DNAH11: variants seen among roughly 807,000 people sequenced by gnomAD.
DNAH11 encodes the protein dynein axonemal heavy chain 11, also known as axonemal beta dynein heavy chain 11.
DNAH11 carries 442 observed loss-of-function variants against 526.0 expected under a neutral mutation model. The ratio of observed to expected loss-of-function variants is 0.84; its 90% confidence interval spans 0.78 to 0.91. The LOEUF (loss-of-function observed/expected upper bound fraction) is 0.91, where lower values mean the gene tolerates loss of function less well. Among genes scored for constraint, DNAH11 ranks in the 40% least tolerant of loss-of-function variants. The pLI, the probability that DNAH11 is intolerant of heterozygous loss-of-function variation, is 0.00. For synonymous variants in DNAH11, 2,461 were observed against 1,935.9 expected (o/e 1.27, Z -7.12); for missense variants, 6,989 against 5,448.7 (o/e 1.28, Z -8.90).
intron 73 of DNAH11, among the ~76,000 whole-genome samples, chr7:21,872,400 C>G (rs1002015337): frequency 3.3e-5 from 5 of 152,012 alleles, no homozygotes; most frequent in African/African-American, 1.2e-4. Context: ...TTATTTTGTT[C>G]CATGTTTGCC....
At chr7:21,805,826 C>G (rs761314997) in intron 62 of DNAH11, among the ~76,000 whole-genome samples, 9 of 152,158 alleles carry the variant, frequency 5.9e-5, no homozygotes, top group Non-Finnish European at 1.2e-4. Context: ...TTGAAGATGT[C>G]AGATCTTTTT....
chr7:21,851,424 G>A, intron 66 of DNAH11: 1 of 371,658 alleles, frequency 2.7e-6, no homozygotes, highest in Admixed American at 3.4e-5. Flanking sequence ...CGCACCTTGA[G>A]AGCAGATTAA....
intron 57 of DNAH11, among the ~76,000 whole-genome samples, chr7:21,783,592 G>A (rs58773810): frequency 0.15 from 23,082 of 152,074 alleles, 1,900 homozygotes; most frequent in African/African-American, 0.21. Context: ...CACTCTTCCT[G>A]GCCTTTCAGA....
intron 60 of DNAH11, among the ~76,000 whole-genome samples, chr7:21,789,031 G>A (rs1788315588): frequency 6.6e-6 from 1 of 152,114 alleles, no homozygotes; most frequent in South Asian, 2.1e-4. Context: ...GCATACACCT[G>A]TAATCTCAGC....
intron 50 of DNAH11, 118 bp downstream of exon 50, chr7:21,744,717 G>C: frequency 6.9e-7 from 1 of 1,439,988 alleles, no homozygotes; most frequent in African/African-American, 1.4e-5. Context: ...CAATGGCTGT[G>C]AATCCAGAAT....
chr7:21,773,619 G>A lies in DNAH11; in HGVS notation c.9103-147G>A, dbSNP rs79315282. 1,192 of 619,818 alleles carry A rather than the reference G, an allele frequency of 1.9e-3. 10 individuals carry two copies. The highest frequency in any genetic ancestry group is 0.018 in the African/African-American group (987 of 53,748). The allele number at this position is 619,818 out of a possible 1,614,324, so 38.4% of individuals were successfully genotyped here. ...TAATCTCCCAAATCCTGTGGATAGC[G>A]CTTAAAGATTAAATAAGTTTTCGTA... is the stretch of plus-strand genomic sequence containing the variant. On this transcript the variant is annotated intron_variant, in intron 55 of 81. Coordinates refer to ENST00000409508, the MANE Select transcript of DNAH11 (RefSeq NM_001277115.2).
At chr7:21,888,394 A>G (rs761685521) in intron 76 of DNAH11, among the ~76,000 whole-genome samples, 24 of 152,186 alleles carry the variant, frequency 1.6e-4, no homozygotes, top group Non-Finnish European at 2.6e-4. Context: ...AAAAAAGACA[A>G]TAATCTCATG....
chr7:21,818,646 G>T (rs1472910014), intron 65 of DNAH11, among the ~76,000 whole-genome samples: 2 of 152,100 alleles, frequency 1.3e-5, no homozygotes, highest in African/African-American at 2.4e-5. Flanking sequence ...TCAGTAATTT[G>T]CAGAACACCT....
intron 35 of DNAH11, among the ~76,000 whole-genome samples, chr7:21,692,083 G>C (rs1189580812): frequency 6.6e-6 from 1 of 152,022 alleles, no homozygotes; most frequent in Non-Finnish European, 1.5e-5. Flanking sequence ...ACTTCATTCA[G>C]GTATCATTTT....
Position 21,892,624 on chromosome 7 carries a change from A to T in DNAH11, c.12707A>T (p.Asn4236Ile), listed in dbSNP as rs896685465. 5 of 1,613,018 alleles carry T rather than the reference A, an allele frequency of 3.1e-6. No homozygotes were observed. The highest frequency in any genetic ancestry group is 4.2e-6 in the Non-Finnish European group (5 of 1,179,270). Reference sequence around the variant, plus strand: ...ACTTTGCTGGAGATGCAGCCCAGGAATGCACTCAGTGGTGATGAACTGGGG... The same window carrying T: ...ACTTTGCTGGAGATGCAGCCCAGGATTGCACTCAGTGGTGATGAACTGGGG... ...FRTLLEMQPR[N>I]ALSGDELGQS... is the part of the protein sequence containing the mutation. The change falls in exon 77 of 82, where the codon AAT becomes ATT. Residue 4236 changes from asparagine (N) to isoleucine (I), a missense_variant. Asn to Ile is a moderately radical substitution (Grantham distance 149). Coordinates refer to ENST00000409508, the MANE Select transcript of DNAH11 (RefSeq NM_001277115.2).
At chr7:21,651,262 A>G (rs748151253) in intron 28 of DNAH11, among the ~76,000 whole-genome samples, 1 of 152,218 alleles carries the variant, frequency 6.6e-6, no homozygotes, top group Non-Finnish European at 1.5e-5. Context: ...TTAGGTAGGT[A>G]GGGCAAATAC....
At chr7:21,765,640 ACACACACACACACACACACT>A in intron 55 of DNAH11, 51 bp downstream of exon 55, 1 of 1,326,602 alleles carries the variant, frequency 7.5e-7, no homozygotes, top group Non-Finnish European at 1.0e-6. Context: ...ACACACACAC[ACACACACACACACACACACT>A]CTGAAAATCC....
intron 18 of DNAH11, among the ~76,000 whole-genome samples, chr7:21,603,353 G>A (rs2204315): frequency 0.61 from 92,030 of 152,038 alleles, 28,181 homozygotes; most frequent in African/African-American, 0.64. Flanking sequence ...GCTATTGTCA[G>A]TAGTGCTGCT....
intron 28 of DNAH11, among the ~76,000 whole-genome samples, chr7:21,649,973 A>G (rs578098551): frequency 3.3e-5 from 5 of 152,160 alleles, no homozygotes; most frequent in East Asian, 3.9e-4. Context: ...CGACTATTCT[A>G]TTCCTTAATC....
chr7:21,820,955 G>C (rs1478271727), intron 65 of DNAH11, among the ~76,000 whole-genome samples: 1 of 152,182 alleles, frequency 6.6e-6, no homozygotes, highest in Non-Finnish European at 1.5e-5. Context: ...TCAGAGTCTA[G>C]TTAGTAAATA....
intron 25 of DNAH11, among the ~76,000 whole-genome samples, chr7:21,621,839 A>AT (rs2128454918): frequency 6.6e-6 from 1 of 152,294 alleles, no homozygotes; most frequent in South Asian, 2.1e-4. Context: ...AGAGCTATCT[A>AT]TGACAAACCC....
At chr7:21,898,670 C>CCAGCTTCCT (rs1784619586) in intron 79 of DNAH11, among the ~76,000 whole-genome samples, 1 of 152,190 alleles carries the variant, frequency 6.6e-6, no homozygotes, top group African/African-American at 2.4e-5. Context: ...CCTCTGTGAG[C>CCAGCTTCCT]CAGCTTCCTT....
At chr7:21,802,033 T>C (rs905188627) in intron 62 of DNAH11, among the ~76,000 whole-genome samples, 2 of 152,230 alleles carry the variant, frequency 1.3e-5, no homozygotes, top group African/African-American at 4.8e-5. Context: ...GTCTTCAACT[T>C]TGTTTTCTTG....
At chr7:21,556,389 T>C (rs1783218804) in intron 2 of DNAH11, among the ~76,000 whole-genome samples, 1 of 152,248 alleles carries the variant, frequency 6.6e-6, no homozygotes, top group Non-Finnish European at 1.5e-5. Flanking sequence ...ACCCAGTACG[T>C]TAGAAATGTT....
Sources: allele counts gnomAD v4.1 joint callset (sites outside exome capture counted in the v4.1 genomes callset), GRCh38; gene constraint gnomAD v4.1.1; transcripts MANE v1.5; gene names NCBI Gene and HGNC (gene_info 2026-07-23, HGNC 2026-07-21).